PPP4R1: variants seen among roughly 807,000 people sequenced by gnomAD.
PPP4R1 encodes protein phosphatase 4 regulatory subunit 1.
Under a neutral mutation model 111.2 loss-of-function variants are expected in PPP4R1, and 42 were observed. The observed-to-expected ratio is 0.38, with a 90% CI of 0.29 to 0.49. The LOEUF is 0.49. Ranked by LOEUF, PPP4R1 falls within the 20% of genes least tolerant of loss-of-function variation. The pLI is 0.97. For synonymous variants in PPP4R1, 409 were observed against 405.5 expected (o/e 1.01, Z -0.10); for missense variants, 1,012 against 1,161.6 (o/e 0.87, Z 1.87).
chr18:9,615,745 A>T (rs1351698789), upstream of PPP4R1, among the ~76,000 whole-genome samples: 1 of 152,202 alleles, frequency 6.6e-6, no homozygotes, highest in Non-Finnish European at 1.5e-5. Context: ...AGGAGAGGGA[A>T]TTCTAAGTAG....
Position 9,600,251 on chromosome 18 carries a change from CTAGAAGGTA to C in PPP4R1, c.53-5107_53-5099del, listed in dbSNP as rs2067359268. ...TCCTAGGAGTAATCTCTGAAACACACTAGAAGGTATAGCTAGAAAGATAATGGAGAAACT... is the reference window on the plus strand; with the variant it reads ...TCCTAGGAGTAATCTCTGAAACACACTAGCTAGAAAGATAATGGAGAAACT... On this transcript the variant is annotated intron_variant, in intron 2 of 19. Transcript: ENST00000400556. 2.8e-5 allele frequency among the ~76,000 whole-genome samples: 4 copies of C among 141,172 alleles called. No individual in the cohort carries two copies. The South Asian group carries it at 9.0e-4, about 32-fold the overall frequency. 92.6% of individuals were successfully genotyped at this position (141,172 alleles called of 152,430 possible).
chr18:9,566,004 G>A (rs1045028142), intron 11 of PPP4R1, among the ~76,000 whole-genome samples: 4 of 151,714 alleles, frequency 2.6e-5, no homozygotes, highest in Non-Finnish European at 5.9e-5. Context: ...CCTGCATCCC[G>A]GGTTCTAGCA....
At position 9,570,337 on chromosome 18, in the gene PPP4R1, C is replaced by G; in HGVS notation, c.1393G>C (p.Glu465Gln). 6.2e-7 allele frequency: 1 copy of G among 1,611,276 alleles called. No individual in the cohort carries two copies. ...SFHFWRTPLPEIDLDIELEQN... is the reference protein window; with the variant it reads ...SFHFWRTPLPQIDLDIELEQN... Reference sequence around the variant, plus strand: ...TCAAGCTCTATGTCTAGATCTATTTCAGGAAGAGGAGTCCTCCAGAAATGG... The same window carrying G: ...TCAAGCTCTATGTCTAGATCTATTTGAGGAAGAGGAGTCCTCCAGAAATGG... The change falls in exon 11 of 20, where the codon GAA (glutamate) becomes CAA (glutamine). Residue 465 changes from glutamate (E) to glutamine (Q), a missense_variant. Physicochemically the swap from Glu to Gln is conservative, Grantham distance 29 (BLOSUM62 2). Around this residue, in one of 2 missense-constraint regions of PPP4R1, gnomAD observed 707 missense variants for 742.1 expected, o/e 0.95. Coordinates refer to ENST00000400556, the MANE Select transcript of PPP4R1 (RefSeq NM_001042388.3).
chr18:9,548,544 A>G (rs528344585), intron 19 of PPP4R1, among the ~76,000 whole-genome samples: 1 of 152,262 alleles, frequency 6.6e-6, no homozygotes, highest in African/African-American at 2.4e-5. Flanking sequence ...ATAGGTAGGT[A>G]CCAGCCCCCA....
At chr18:9,604,500 T>G (rs9951382) in intron 2 of PPP4R1, among the ~76,000 whole-genome samples, 30,513 of 152,096 alleles carry the variant, frequency 0.2, 3,387 homozygotes, top group East Asian at 0.49. Context: ...ACAGCCCATG[T>G]GGAGTCAATT....
rs148809543 is a variant in PPP4R1 at position 9,564,796 on chromosome 18, T to C, written c.1574-1246A>G. Among the ~76,000 whole-genome samples the C allele has an allele frequency of 1.6e-3, 245 of 151,486 alleles. 1 individual carries two copies. Among genetic ancestry groups the C allele is most frequent in the African/African-American group, 5.5e-3 (228 of 41,326 alleles). On this transcript the variant is annotated intron_variant, in intron 11 of 19. Coordinates refer to ENST00000400556, the MANE Select transcript of PPP4R1 (RefSeq NM_001042388.3). ...GAAAGTGCAGGCATACTTTGTTTTATTGCACTTTGTAGATACTACACTTTG... is the reference window on the plus strand; with the variant it reads ...GAAAGTGCAGGCATACTTTGTTTTACTGCACTTTGTAGATACTACACTTTG...
chr18:9,617,068 T>G (rs1017900889), upstream of PPP4R1: 7 of 152,208 alleles, frequency 4.6e-5, no homozygotes, highest in African/African-American at 2.4e-5. Flanking sequence ...TCTGTCCCCT[T>G]CTTCTAAGAA....
At chr18:9,592,015 A>C (rs1051167687) in intron 4 of PPP4R1, among the ~76,000 whole-genome samples, 2 of 152,184 alleles carry the variant, frequency 1.3e-5, no homozygotes, top group Admixed American at 1.3e-4. Flanking sequence ...GGTTGCAGTG[A>C]GTGGATATCA....
At chr18:9,576,477 C>T (rs549147830) in intron 10 of PPP4R1, among the ~76,000 whole-genome samples, 1 of 152,130 alleles carries the variant, frequency 6.6e-6, no homozygotes, top group Non-Finnish European at 1.5e-5. Flanking sequence ...TCACAGCCGA[C>T]TCTTTAAGCT....
At chr18:9,575,460 T>C (rs1330247756) in intron 10 of PPP4R1, among the ~76,000 whole-genome samples, 1 of 152,192 alleles carries the variant, frequency 6.6e-6, no homozygotes, top group Non-Finnish European at 1.5e-5. Flanking sequence ...TTTTACAATA[T>C]TTAACATAAC....
chr18:9,585,047 C>T (rs1238939481), intron 6 of PPP4R1, among the ~76,000 whole-genome samples: 1 of 152,092 alleles, frequency 6.6e-6, no homozygotes, highest in Non-Finnish European at 1.5e-5. Flanking sequence ...ATAAAAACAA[C>T]CAATAAATAC....
At chr18:9,581,473 A>C (rs550852052) in intron 9 of PPP4R1, among the ~76,000 whole-genome samples, 1 of 152,324 alleles carries the variant, frequency 6.6e-6, no homozygotes, top group South Asian at 2.1e-4. Context: ...CTGAACTGGC[A>C]GAACAAATAA....
At chr18:9,604,495 C>G (rs955465523) in intron 2 of PPP4R1, among the ~76,000 whole-genome samples, 1 of 152,128 alleles carries the variant, frequency 6.6e-6, no homozygotes, top group African/African-American at 2.4e-5. Flanking sequence ...TGTACACAGC[C>G]CATGTGGAGT....
intron 9 of PPP4R1, among the ~76,000 whole-genome samples, chr18:9,578,400 T>C (rs2066972538): frequency 6.6e-6 from 1 of 152,154 alleles, no homozygotes; most frequent in Non-Finnish European, 1.5e-5. Context: ...CCACATCCAG[T>C]TAATTTTTCT....
chr18:9,611,583 A>T (rs1481058345), intron 2 of PPP4R1, among the ~76,000 whole-genome samples: 1 of 152,228 alleles, frequency 6.6e-6, no homozygotes, highest in Non-Finnish European at 1.5e-5. Flanking sequence ...TCACCTGTAA[A>T]AACTTTAGTA....
intron 11 of PPP4R1, among the ~76,000 whole-genome samples, chr18:9,568,485 A>G (rs1328016190): frequency 6.6e-6 from 1 of 152,232 alleles, no homozygotes; most frequent in African/African-American, 2.4e-5. Context: ...AGAGTATTAG[A>G]TATCTTCTGA....
At chr18:9,604,493 G>A (rs2067445449) in intron 2 of PPP4R1, among the ~76,000 whole-genome samples, 1 of 152,110 alleles carries the variant, frequency 6.6e-6, no homozygotes, top group Non-Finnish European at 1.5e-5. Flanking sequence ...TCTGTACACA[G>A]CCCATGTGGA....
intron 6 of PPP4R1, among the ~76,000 whole-genome samples, chr18:9,585,088 A>G (rs559496815): frequency 3.6e-4 from 55 of 152,300 alleles, no homozygotes; most frequent in African/African-American, 1.3e-3. Context: ...AGAAAATCCT[A>G]ACAATTTCAT....
rs1477562043 is a variant in PPP4R1, at chr18:9,570,576, T to C, written c.1154A>G (p.Asp385Gly). The change falls in exon 11 of 20, where the codon GAC becomes GGC. Residue 385 changes from aspartate (D) to glycine (G), a missense_variant. Physicochemically the swap from Asp to Gly is moderately conservative, Grantham distance 94. Around this residue, in one of 2 missense-constraint regions of PPP4R1, gnomAD observed 707 missense variants for 742.1 expected, o/e 0.95. Transcript: ENST00000400556. ...SSVILENTME[D>G]HAAEASGKPL... ...CTTCCCGGATGCCTCAGCAGCATGG[T>C]CTTCCATCGTGTTTTCCAGTATGAC... 1 of 1,614,206 alleles carries C rather than the reference T, an allele frequency of 6.2e-7. No individual in the cohort carries two copies. Among genetic ancestry groups the C allele is most frequent in the Non-Finnish European group, 8.5e-7 (1 of 1,180,038 alleles).
Sources: gnomAD v4.1 joint callset for allele counts (sites outside exome capture counted in the v4.1 genomes callset) on GRCh38, gnomAD v4.1.1 for gene constraint, gnomAD v4.1.1 regional missense constraint, MANE v1.5 for transcripts, NCBI Gene and HGNC (gene_info 2026-07-23, HGNC 2026-07-21) for gene names.